NBAS: variants seen among roughly 807,000 people sequenced by gnomAD.
The protein encoded by NBAS is NAG/BC035112 fusion.
A neutral mutation model predicts 302.5 loss-of-function variants in NBAS; 219 were observed. The ratio of observed to expected loss-of-function variants is 0.72; its 90% CI spans 0.65 to 0.81. The LOEUF (loss-of-function observed/expected upper bound fraction) is 0.81, where lower values mean the gene tolerates loss of function less well. Among genes scored for constraint, NBAS ranks in the 30% least tolerant of loss-of-function variants. The pLI is 0.00. For missense variants in NBAS, 2,932 were observed against 2,841.6 expected (o/e 1.03, Z -0.72); for synonymous variants, 1,118 against 1,021.6 (o/e 1.09, Z -1.80).
intron 9 of NBAS, among the ~76,000 whole-genome samples, chr2:15,518,040 T>C (rs1231693111): frequency 6.6e-6 from 1 of 151,612 alleles, no homozygotes; most frequent in Admixed American, 6.6e-5. Context: ...TCCTTCTCTC[T>C]CCCTTTTTTT....
intron 6 of NBAS, among the ~76,000 whole-genome samples, chr2:15,551,251 T>C (rs942904756): frequency 3.3e-5 from 5 of 152,078 alleles, no homozygotes; most frequent in Non-Finnish European, 7.4e-5. Context: ...TTAAAAATAC[T>C]TCATCCCATA....
chr2:15,394,149 G>A lies in NBAS; in HGVS notation c.3257+78C>T, dbSNP rs1200826116. On this transcript the variant is annotated intron_variant, in intron 28 of 51. Coordinates refer to ENST00000281513, the MANE Select transcript of NBAS (RefSeq NM_015909.4). ...TTTATTATTAGTTATAACACAATGA[G>A]GTTGTCAGAAAAAGAGAAATACTTT... is the stretch of plus-strand genomic sequence containing the variant. The A allele has an allele frequency of 2.1e-6, 3 of 1,427,818 alleles. No homozygotes were observed. In the African/African-American group the frequency reaches 4.3e-5, roughly 20 times the overall value. 88.4% of individuals were successfully genotyped at this position (1,427,818 alleles called of 1,614,324 possible). A position where few individuals can be genotyped will look rare whatever the true frequency, so the allele number is the denominator to read the frequency against.
rs1490800257 is a variant in NBAS, at chr2:15,239,397, G to GTA, written c.5725-712_5725-711insTA. Among the ~76,000 whole-genome samples, 6 of 83,178 alleles carry GTA rather than the reference G, an allele frequency of 7.2e-5. No homozygotes were observed. In the East Asian group the frequency reaches 1.5e-3, roughly 21 times the overall value. 54.6% of individuals were successfully genotyped at this position (83,178 alleles called of 152,430 possible). ...TGTGTGTGTATGTGTGCGTGTGTGT[G>GTA]TGTGTATATATATATATATATATGT... is the stretch of plus-strand genomic sequence containing the variant. On this transcript the variant is annotated intron_variant, in intron 44 of 51. Coordinates refer to ENST00000281513, the MANE Select transcript of NBAS (RefSeq NM_015909.4).
the NBAS span, among the ~76,000 whole-genome samples, chr2:15,057,318 A>AG: frequency 1.3e-5 from 2 of 151,688 alleles, no homozygotes; most frequent in African/African-American, 2.4e-5. Context: ...AAATTTGAAA[A>AG]AAAAAAAAAC....
chr2:14,971,609 C>T, the NBAS span, among the ~76,000 whole-genome samples: 1 of 152,170 alleles, frequency 6.6e-6, no homozygotes, highest in South Asian at 2.1e-4. Flanking sequence ...CACCATCAAC[C>T]TGTTGGCCTT....
chr2:14,830,788 G>T, the NBAS span, among the ~76,000 whole-genome samples: 1 of 152,176 alleles, frequency 6.6e-6, no homozygotes, highest in Non-Finnish European at 1.5e-5. Context: ...AGCAGAGCAA[G>T]GGCTAAGGTT....
chr2:15,097,075 G>C, the NBAS span, among the ~76,000 whole-genome samples: 4 of 152,194 alleles, frequency 2.6e-5, no homozygotes, highest in Non-Finnish European at 4.4e-5. Context: ...TCTCCTGGGT[G>C]ACTCTGGGAA....
intron 47 of NBAS, among the ~76,000 whole-genome samples, chr2:15,225,412 G>A (rs190147626): frequency 6.6e-6 from 1 of 152,106 alleles, no homozygotes; most frequent in Non-Finnish European, 1.5e-5. Context: ...TGCACTGCAG[G>A]TGCTCAGAGA....
the NBAS span, among the ~76,000 whole-genome samples, chr2:15,040,748 C>T: frequency 2.0e-5 from 3 of 152,162 alleles, no homozygotes; most frequent in African/African-American, 7.2e-5. Flanking sequence ...AGGAGGTGGC[C>T]TTCACAGGGG....
At chr2:14,919,157 C>G in the NBAS span, among the ~76,000 whole-genome samples, 12 of 151,984 alleles carry the variant, frequency 7.9e-5, no homozygotes, top group East Asian at 2.3e-3. Flanking sequence ...TGCATCTCAC[C>G]TTGGAAATAT....
intron 51 of NBAS, 116 bp downstream of exon 51, chr2:15,178,872 T>A (rs965213873): frequency 2.1e-6 from 3 of 1,419,792 alleles, no homozygotes; most frequent in African/African-American, 2.9e-5. Flanking sequence ...GAGAATACTA[T>A]AGATATAGTA....
chr2:14,787,105 T>C, the NBAS span, among the ~76,000 whole-genome samples: 1 of 152,218 alleles, frequency 6.6e-6, no homozygotes, highest in East Asian at 1.9e-4. Flanking sequence ...TGATCTTTGT[T>C]GGTTTAAAGT....
chr2:15,287,031 G>A, intron 42 of NBAS, 42 bp downstream of exon 42: 1 of 1,476,302 alleles, frequency 6.8e-7, no homozygotes, highest in African/African-American at 1.4e-5. Flanking sequence ...AGACTCTAAA[G>A]AAAGACATGG....
At chr2:15,543,886 T>C (rs1411761044) in intron 6 of NBAS, among the ~76,000 whole-genome samples, 1 of 152,204 alleles carries the variant, frequency 6.6e-6, no homozygotes, top group Non-Finnish European at 1.5e-5. Context: ...AATTCCAAAA[T>C]GTCAGGAGCT....
In NBAS at chr2:15,488,959, C is replaced by T; in HGVS notation, c.1018G>A (p.Gly340Arg). Residue 340 changes from glycine (G) to arginine (R), a missense_variant, in exon 12 of 52, where the codon GGG (glycine) becomes AGG (arginine). Gly to Arg is a moderately radical substitution (Grantham distance 125). Transcript: ENST00000281513. ...GMLLAAIHFS[G>R]KLSIWAIPSL... ...GGAATCGCCCAGATGCTCAGTTTCC[C>T]TGAGAAGTGAATGGCTGCCAGGAGC... The T allele has an allele frequency of 1.2e-6, 2 of 1,613,884 alleles. No homozygotes were observed. Among genetic ancestry groups the T allele is most frequent in the Non-Finnish European group, 1.7e-6 (2 of 1,179,860 alleles).
the NBAS span, among the ~76,000 whole-genome samples, chr2:14,898,227 G>A: frequency 6.6e-6 from 1 of 152,186 alleles, no homozygotes; most frequent in African/African-American, 2.4e-5. Flanking sequence ...ACATGTGCTT[G>A]CAGATCCTTA....
chr2:15,443,370 T>C (rs1341092688), intron 21 of NBAS, among the ~76,000 whole-genome samples: 2 of 151,798 alleles, frequency 1.3e-5, no homozygotes, highest in African/African-American at 2.4e-5. Context: ...ATAAATGTAA[T>C]CCAGCATATA....
At chr2:15,371,902 T>C (rs896484835) in intron 31 of NBAS, among the ~76,000 whole-genome samples, 13 of 152,334 alleles carry the variant, frequency 8.5e-5, no homozygotes, top group African/African-American at 3.1e-4. Context: ...ACTAATTCTA[T>C]GATTATTTAA....
chr2:15,012,073 C>T, the NBAS span, among the ~76,000 whole-genome samples: 1 of 152,018 alleles, frequency 6.6e-6, no homozygotes, highest in African/African-American at 2.4e-5. Context: ...AGACCCCAAT[C>T]ATAAGGAAAT....
Sources: allele counts gnomAD v4.1 joint callset (sites outside exome capture counted in the v4.1 genomes callset), GRCh38; gene constraint gnomAD v4.1.1; transcripts MANE v1.5; gene names NCBI Gene and HGNC (gene_info 2026-07-23, HGNC 2026-07-21).